The following RLN3 variants were observed in gnomAD, a reference collection of about 807,000 sequenced individuals.
The protein encoded by RLN3 is relaxin 3, also known as relaxin-3.
A neutral mutation model predicts 10.2 loss-of-function variants in RLN3; 13 were observed. The ratio of observed to expected loss-of-function variants is 1.28; its 90% confidence interval spans 0.83 to 2.03. The LOEUF is 2.03. Ranked by LOEUF, RLN3 falls within the 30% of genes most tolerant of loss-of-function variation. The pLI is 0.00. For missense variants in RLN3, 191 were observed against 187.2 expected, an observed-to-expected ratio of 1.02 and a Z score of -0.12; for synonymous variants, 56 against 79.2, an observed-to-expected ratio of 0.71 and a Z score of 1.56.
intron 1 of RLN3, among the ~76,000 whole-genome samples, chr19:14,029,839 T>TATTATA (rs1317365000): frequency 1.5e-4 from 22 of 150,304 alleles, no homozygotes; most frequent in African/African-American, 4.6e-4. Context: ...TTATTATTAT[T>TATTATA]ATTTTTGAGA....
rs758210055 is a variant in RLN3, at chr19:14,030,734, C to G, written c.215C>G (p.Ala72Gly). The G allele has an allele frequency of 6.2e-7, 1 of 1,614,240 alleles. No individual in the cohort carries two copies. The highest frequency in any genetic ancestry group is 8.5e-7 in the Non-Finnish European group (1 of 1,180,034). Residue 72 changes from alanine (A) to glycine (G), a missense_variant, in exon 2 of 2, where the codon GCT becomes GGT. Coordinates refer to ENST00000431365, the MANE Select transcript of RLN3 (RefSeq NM_080864.4). ...GGAGATACCTTCCCGGATGCAGATG[C>G]TGATGAAGACAGTCTGGCAGGCGAG... ...AMGDTFPDAD[A>G]DEDSLAGELD...
chr19:14,030,879 CCTGG>C lies in RLN3; in HGVS notation c.366_369del (p.Gly123PhefsTer41). On this transcript the variant is annotated frameshift_variant, in exon 2 of 2. Coordinates refer to ENST00000431365, the MANE Select transcript of RLN3 (RefSeq NM_080864.4). LOFTEE classifies it high-confidence loss of function. ...GGGTTCTTCGGGGCAGCCGAGATGT[CCTGG>C]CTGGCCTTTCCAGCAGCTGCTGCAA... 6.2e-7 allele frequency: 1 copy of C among 1,603,688 alleles called. No homozygotes were observed.
At position 14,031,216 on chromosome 19, in the gene RLN3, C is replaced by G; in HGVS notation, c.*268C>G. 2.2e-6 allele frequency: 1 copy of G among 448,812 alleles called. No individual in the cohort carries two copies. The highest frequency in any genetic ancestry group is 4.0e-6 in the Non-Finnish European group (1 of 250,354). The allele number at this position is 448,812 out of a possible 1,614,324, so 27.8% of individuals were successfully genotyped here. A position where few individuals can be genotyped will look rare whatever the true frequency, so the allele number is the denominator to read the frequency against. On this transcript the variant is annotated 3_prime_UTR_variant, in exon 2 of 2. Coordinates refer to ENST00000431365, the MANE Select transcript of RLN3 (RefSeq NM_080864.4). ...ACCCCCCCATCCTGACCCCTGACCT[C>G]TCCCCAGCCCTAACCATGCGTTTGC...
At chr19:14,028,505 G>T in intron 1 of RLN3, 111 bp downstream of exon 1, 2 of 911,956 alleles carry the variant, frequency 2.2e-6, no homozygotes, top group East Asian at 2.7e-5. Flanking sequence ...TCCCTGTCCT[G>T]CCACATTCAG....
intron 1 of RLN3, among the ~76,000 whole-genome samples, chr19:14,029,662 T>C (rs933106465): frequency 6.6e-6 from 1 of 151,916 alleles, no homozygotes; most frequent in Non-Finnish European, 1.5e-5. Context: ...TGCAAATTCT[T>C]TACTGAGTCC....
chr19:14,030,222 A>G, intron 1 of RLN3: 2 of 700,502 alleles, frequency 2.9e-6, no homozygotes, highest in Non-Finnish European at 2.6e-6. Flanking sequence ...AGGTTGGAGT[A>G]ATTATTTTTT....
intron 1 of RLN3, among the ~76,000 whole-genome samples, chr19:14,028,701 G>A (rs975996739): frequency 4.6e-5 from 7 of 152,166 alleles, no homozygotes; most frequent in Non-Finnish European, 1.0e-4. Context: ...AATGTGAAGG[G>A]TGTGGTATAC....
At chr19:14,029,083 G>A (rs1975759608) in intron 1 of RLN3, among the ~76,000 whole-genome samples, 1 of 151,900 alleles carries the variant, frequency 6.6e-6, no homozygotes, top group Non-Finnish European at 1.5e-5. Flanking sequence ...TCTTCAAATG[G>A]GAGACACAGT....
Position 14,029,852 on chromosome 19 carries a change from G to A in RLN3, c.191-858G>A, listed in dbSNP as rs562378975. On this transcript the variant is annotated intron_variant, in intron 1 of 1. Coordinates refer to ENST00000431365, the MANE Select transcript of RLN3 (RefSeq NM_080864.4). Reference sequence around the variant, plus strand: ...TATTATTATTATTATTTTTGAGACAGGGTCTTGCTCTGTTGCCCAGACTGG... The same window carrying A: ...TATTATTATTATTATTTTTGAGACAAGGTCTTGCTCTGTTGCCCAGACTGG... 5.1e-4 allele frequency among the ~76,000 whole-genome samples: 64 copies of A among 125,396 alleles called. No individual in the cohort carries two copies. The South Asian group carries it at 7.6e-3, about 15-fold the overall frequency. The allele number at this position is 125,396 out of a possible 152,430, so 82.3% of individuals were successfully genotyped here.
chr19:14,031,104 G>C lies in RLN3; in HGVS notation c.*156G>C. 1 of 626,428 alleles carries C rather than the reference G, an allele frequency of 1.6e-6. No individual in the cohort carries two copies. The highest frequency in any genetic ancestry group is 2.8e-6 in the Non-Finnish European group (1 of 355,364). 38.8% of individuals were successfully genotyped at this position (626,428 alleles called of 1,614,324 possible). On this transcript the variant is annotated 3_prime_UTR_variant, in exon 2 of 2. Transcript: ENST00000431365. The stretch of plus-strand genomic sequence containing the variant: ...ACTGTGGGCTCAGGCACAGTCTCCC[G>C]ACACCACCTATCCAACCCTGCCCTT...
rs76730220 is a variant in RLN3, at chr19:14,028,639, G to A, written c.190+245G>A. 7.5e-3 allele frequency among the ~76,000 whole-genome samples: 1,144 copies of A among 152,198 alleles called. 11 individuals carry two copies. The highest frequency in any genetic ancestry group is 0.026 in the African/African-American group (1,090 of 41,522). On this transcript the variant is annotated intron_variant, in intron 1 of 1. Transcript: ENST00000431365. ...CTGAGGACAGGTGGGGGCGGGGAGC[G>A]TGCCATTTGCAAAGACAACACCGAA...
chr19:14,030,866 G>A lies in RLN3; in HGVS notation c.347G>A (p.Gly116Asp). 6.2e-7 allele frequency: 1 copy of A among 1,611,734 alleles called. No homozygotes were observed. The highest frequency in any genetic ancestry group is 8.5e-7 in the Non-Finnish European group (1 of 1,178,250). Reference sequence around the variant, plus strand: ...CAAGGAACCCCTGGGGTTCTTCGGGGCAGCCGAGATGTCCTGGCTGGCCTT... The same window carrying A: ...CAAGGAACCCCTGGGGTTCTTCGGGACAGCCGAGATGTCCTGGCTGGCCTT... ...SWQGTPGVLRGSRDVLAGLSS... is the reference protein window; with the variant it reads ...SWQGTPGVLRDSRDVLAGLSS... The change falls in exon 2 of 2, where the codon GGC (glycine) becomes GAC (aspartate). Residue 116 changes from glycine (G) to aspartate (D), a missense_variant. Gly to Asp is a moderately conservative substitution (Grantham distance 94, BLOSUM62 -1). Transcript: ENST00000431365.
chr19:14,030,970 G>C lies in RLN3; in HGVS notation c.*22G>C. 1 of 1,506,396 alleles carries C rather than the reference G, an allele frequency of 6.6e-7. No homozygotes were observed. Among genetic ancestry groups the C allele is most frequent in the East Asian group, 2.3e-5 (1 of 44,056 alleles). 93.3% of individuals were successfully genotyped at this position (1,506,396 alleles called of 1,614,324 possible). On this transcript the variant is annotated 3_prime_UTR_variant, in exon 2 of 2. Transcript: ENST00000431365. ...CTAGTTTGAGGGCTGGGCAGCCGTG[G>C]GCACCAGGACCAATGCCCCAGTCCT...
chr19:14,030,946 T>C lies in RLN3; in HGVS notation c.427T>C (p.Ter143GlnextTer66). The change falls in exon 2 of 2, where the codon TAG becomes CAG. Residue 143 changes from the stop codon to glutamine, a stop_lost. Transcript: ENST00000431365. ...CSKSEISSLC* is the reference protein window; with the variant it reads ...CSKSEISSLCQ The stretch of plus-strand genomic sequence containing the variant: ...CAAAAGTGAAATCAGTAGCCTTTGC[T>C]AGTTTGAGGGCTGGGCAGCCGTGGG... 1 of 1,553,750 alleles carries C rather than the reference T, an allele frequency of 6.4e-7. No individual in the cohort carries two copies. The highest frequency in any genetic ancestry group is 8.7e-7 in the Non-Finnish European group (1 of 1,147,404).
At chr19:14,029,269 T>C (rs943070209) in intron 1 of RLN3, among the ~76,000 whole-genome samples, 1 of 151,856 alleles carries the variant, frequency 6.6e-6, no homozygotes, top group Non-Finnish European at 1.5e-5. Flanking sequence ...AGAAGGAGGA[T>C]AGGTATGAGC....
In RLN3 at chr19:14,031,023, G is replaced by C; in HGVS notation, c.*75G>C. On this transcript the variant is annotated 3_prime_UTR_variant, in exon 2 of 2. Transcript: ENST00000431365. ...CATCCACTCAACTAGTGTCTGGCTG[G>C]GCACCTGTCTTTCGAGCCTCACACA... 9.5e-7 allele frequency: 1 copy of C among 1,053,028 alleles called. No individual in the cohort carries two copies. Among genetic ancestry groups the C allele is most frequent in the Non-Finnish European group, 1.4e-6 (1 of 713,204 alleles). 65.2% of individuals were successfully genotyped at this position (1,053,028 alleles called of 1,614,324 possible). A position where few individuals can be genotyped will look rare whatever the true frequency, so the allele number is the denominator to read the frequency against.
In RLN3 at chr19:14,031,198, C is replaced by T. The variant is rs1975802047; in HGVS notation, c.*250C>T. 2.0e-6 allele frequency: 1 copy of T among 501,644 alleles called. No homozygotes were observed. Among genetic ancestry groups the T allele is most frequent in the African/African-American group, 1.9e-5 (1 of 51,656 alleles). 31.1% of individuals were successfully genotyped at this position (501,644 alleles called of 1,614,324 possible). On this transcript the variant is annotated 3_prime_UTR_variant, in exon 2 of 2. Transcript: ENST00000431365. ...CTGCCTGGTCAAGTGGGGACCCCCC[C>T]ATCCTGACCCCTGACCTCTCCCCAG...
intron 1 of RLN3, chr19:14,030,349 A>C (rs1442716376): frequency 1.4e-6 from 1 of 702,748 alleles, no homozygotes; most frequent in Non-Finnish European, 2.6e-6. Context: ...GTCCTCAATT[A>C]ATAAAGAGTA....
intron 1 of RLN3, among the ~76,000 whole-genome samples, chr19:14,028,741 A>T (rs1467782583): frequency 6.6e-6 from 1 of 151,752 alleles, no homozygotes; most frequent in African/African-American, 2.4e-5. Flanking sequence ...CTAATGCATG[A>T]CCTCTCCCCA....
Sources: gnomAD v4.1 joint callset for allele counts (sites outside exome capture counted in the v4.1 genomes callset) on GRCh38, gnomAD v4.1.1 for gene constraint, MANE v1.5 for transcripts, NCBI Gene and HGNC (gene_info 2026-07-23, HGNC 2026-07-21) for gene names.